FRYL: variants seen among roughly 807,000 people sequenced by gnomAD.
FRYL encodes protein furry homolog-like.
Under a neutral mutation model 351.2 loss-of-function variants are expected in FRYL, and 150 were observed. That is an observed-to-expected ratio of 0.43 (90% CI 0.37 to 0.49). The LOEUF is 0.49. Ranked by LOEUF, FRYL falls within the 20% of genes least tolerant of loss-of-function variation. The probability of loss-of-function intolerance (pLI) is 0.00; values close to 1 mark genes in which losing one functional copy is unlikely to be tolerated. For synonymous variants in FRYL, 1,153 were observed against 1,257.1 expected, an observed-to-expected ratio of 0.92 and a Z score of 1.75; for missense variants, 3,036 against 3,619.3, an observed-to-expected ratio of 0.84 and a Z score of 4.13.
chr4:48,515,408 G>T, intron 55 of FRYL, 133 bp from the exon 56 acceptor site: 1 of 677,754 alleles, frequency 1.5e-6, no homozygotes, highest in Non-Finnish European at 2.4e-6. Context: ...TGTCACCCAG[G>T]CTGGAGTGGA....
intron 1 of FRYL, among the ~76,000 whole-genome samples, chr4:48,719,746 A>G (rs1769250331): frequency 6.6e-6 from 1 of 151,706 alleles, no homozygotes; most frequent in Non-Finnish European, 1.5e-5. Context: ...TCATGATGCA[A>G]GAACAACCAC....
chr4:48,757,589 G>A (rs1773931345), intron 1 of FRYL, among the ~76,000 whole-genome samples: 1 of 152,176 alleles, frequency 6.6e-6, no homozygotes. Context: ...TGAAATAAAA[G>A]AGGATACAAA....
At chr4:48,765,243 A>G (rs946411125) in intron 1 of FRYL, among the ~76,000 whole-genome samples, 1 of 152,222 alleles carries the variant, frequency 6.6e-6, no homozygotes, top group African/African-American at 2.4e-5. Flanking sequence ...ACACTTCCTG[A>G]TTTTGAACCA....
intron 3 of FRYL, among the ~76,000 whole-genome samples, chr4:48,662,220 T>C (rs780359499): frequency 1.3e-5 from 2 of 152,134 alleles, no homozygotes; most frequent in Admixed American, 6.5e-5. Flanking sequence ...GCGGGAACAC[T>C]GCTTGAAGCC....
intron 12 of FRYL, 76 bp downstream of exon 12, chr4:48,603,214 A>C (rs1178645006): frequency 2.4e-5 from 25 of 1,057,154 alleles, no homozygotes; most frequent in African/African-American, 8.1e-5. Context: ...CATTCTCTTA[A>C]ATTTCCACTG....
intron 20 of FRYL, 102 bp downstream of exon 20, chr4:48,582,395 A>G (rs1741135888): frequency 1.3e-6 from 1 of 750,390 alleles, no homozygotes. Context: ...GAATAGAACT[A>G]ATAATACTTT....
chr4:48,511,152 CATT>C (rs1453619628), intron 57 of FRYL, among the ~76,000 whole-genome samples, 168 bp from the exon 58 acceptor site: 1 of 151,966 alleles, frequency 6.6e-6, no homozygotes, highest in Non-Finnish European at 1.5e-5. Flanking sequence ...CCTTAGAAAA[CATT>C]AATTTCTAAA....
At chr4:48,704,376 C>G (rs1280009106) in intron 2 of FRYL, among the ~76,000 whole-genome samples, 4 of 152,112 alleles carry the variant, frequency 2.6e-5, no homozygotes, top group Non-Finnish European at 5.9e-5. Context: ...TGACAAAACC[C>G]TCAAAATTTG....
intron 2 of FRYL, among the ~76,000 whole-genome samples, chr4:48,704,949 CAA>C (rs780894705): frequency 1.6e-4 from 8 of 50,702 alleles, no homozygotes; most frequent in Non-Finnish European, 1.6e-4. Flanking sequence ...GACTCCGTCT[CAA>C]AAAAAAAAAA....
chr4:48,628,067 G>A (rs1022291047), intron 4 of FRYL, among the ~76,000 whole-genome samples: 16 of 152,168 alleles, frequency 1.1e-4, no homozygotes, highest in African/African-American at 2.9e-4. Flanking sequence ...CACCATGCCC[G>A]GCCTCAATAT....
chr4:48,698,976 CGA>C (rs1029569729), intron 2 of FRYL, among the ~76,000 whole-genome samples: 1 of 152,050 alleles, frequency 6.6e-6, no homozygotes, highest in Non-Finnish European at 1.5e-5. Context: ...GACTAATTAC[CGA>C]GAGCCTACTA....
chr4:48,602,130 G>A lies in FRYL; in HGVS notation c.934-9C>T, dbSNP rs533138081. Reference sequence around the variant, plus strand: ...ATTAGTGGATATAAAGCCTATAGGAGACGGGGAAAAGACAGAATTAACATT... The same window carrying A: ...ATTAGTGGATATAAAGCCTATAGGAAACGGGGAAAAGACAGAATTAACATT... On this transcript the variant is annotated splice_polypyrimidine_tract_variant and intron_variant, in intron 12 of 63. Coordinates refer to ENST00000358350, the MANE Select transcript of FRYL (RefSeq NM_015030.2). The A allele has an allele frequency of 1.2e-4, 165 of 1,383,562 alleles. No individual in the cohort carries two copies. The highest frequency in any genetic ancestry group is 8.9e-4 in the Middle Eastern group (5 of 5,600). 85.7% of individuals were successfully genotyped at this position (1,383,562 alleles called of 1,614,324 possible).
rs954621974 is a variant in FRYL, at chr4:48,544,006, G to A, written c.5402-9C>T. On this transcript the variant is annotated splice_polypyrimidine_tract_variant and intron_variant, in intron 43 of 63. Transcript: ENST00000358350. Reference sequence around the variant, plus strand: ...TTCCAGATGAATTCCTTCTGTGAATGCAAAGGAAACGAGTAGGTTGTTCTT... The same window carrying A: ...TTCCAGATGAATTCCTTCTGTGAATACAAAGGAAACGAGTAGGTTGTTCTT... The A allele has an allele frequency of 6.2e-7, 1 of 1,611,662 alleles. No homozygotes were observed.
In FRYL at chr4:48,595,773, TCA is replaced by T. The variant is rs1183054504; in HGVS notation, c.1140-77_1140-76del. The stretch of plus-strand genomic sequence containing the variant: ...ATTAGCAAAAAATTCTTCCTATTCT[TCA>T]TAATATATTGACAGAATTCATATTC... On this transcript the variant is annotated intron_variant, in intron 14 of 63. Coordinates refer to ENST00000358350, the MANE Select transcript of FRYL (RefSeq NM_015030.2). 3.4e-5 allele frequency: 38 copies of T among 1,114,622 alleles called. No homozygotes were observed. In the Admixed American group the frequency reaches 8.0e-4, roughly 23 times the overall value. 69.0% of individuals were successfully genotyped at this position (1,114,622 alleles called of 1,614,324 possible). A position where few individuals can be genotyped will look rare whatever the true frequency, so the allele number is the denominator to read the frequency against.
intron 1 of FRYL, among the ~76,000 whole-genome samples, chr4:48,760,978 A>G (rs1374323447): frequency 1.4e-5 from 2 of 146,478 alleles, no homozygotes; most frequent in African/African-American, 5.1e-5. Context: ...GCCCCCGGCC[A>G]CCCTCGCTAC....
chr4:48,571,141 C>G (rs1466401747), intron 26 of FRYL, among the ~76,000 whole-genome samples: 4 of 152,070 alleles, frequency 2.6e-5, no homozygotes, highest in Non-Finnish European at 5.9e-5. Context: ...GGTGACAACC[C>G]CTGTGTGTCA....
rs752188535 is a variant in FRYL at position 48,540,009 on chromosome 4, T to A, written c.6355A>T (p.Thr2119Ser). The A allele has an allele frequency of 1.2e-6, 2 of 1,613,358 alleles. No homozygotes were observed. The highest frequency in any genetic ancestry group is 1.7e-6 in the Non-Finnish European group (2 of 1,179,626). ...PHLIQHFDSP[T>S]QFCKETASRI... Reference sequence around the variant, plus strand: ...CTAGCTGTTTCTTTGCAAAACTGAGTTGGGCTGTCAAAATGCTGGATTAAG... The same window carrying A: ...CTAGCTGTTTCTTTGCAAAACTGAGATGGGCTGTCAAAATGCTGGATTAAG... The change falls in exon 47 of 64, where the codon ACT becomes TCT. Residue 2119 changes from threonine to serine, a missense_variant. Coordinates refer to ENST00000358350, the MANE Select transcript of FRYL (RefSeq NM_015030.2).
intron 53 of FRYL, among the ~76,000 whole-genome samples, chr4:48,524,183 T>A (rs1222252066): frequency 4.0e-5 from 6 of 151,672 alleles, no homozygotes; most frequent in Admixed American, 1.3e-4. Context: ...TTCAAATCTT[T>A]TTTTTTTTTT....
intron 3 of FRYL, chr4:48,653,722 C>T (rs1758179425): frequency 7.7e-7 from 1 of 1,290,394 alleles, no homozygotes; most frequent in Non-Finnish European, 1.0e-6. Context: ...ACAGCTGCTG[C>T]TCCAGGACTT....
Sources: gnomAD v4.1 joint callset for allele counts (sites outside exome capture counted in the v4.1 genomes callset) on GRCh38, gnomAD v4.1.1 for gene constraint, MANE v1.5 for transcripts, NCBI Gene and HGNC (gene_info 2026-07-23, HGNC 2026-07-21) for gene names.